The following RASA1 variants were observed in gnomAD, a reference collection of about 807,000 sequenced individuals.
RASA1 encodes RAS p21 protein activator 1.
Under a neutral mutation model 132.2 loss-of-function variants are expected in RASA1, and 25 were observed. The observed-to-expected ratio is 0.19, with a 90% CI of 0.14 to 0.26. The LOEUF (loss-of-function observed/expected upper bound fraction) is 0.26. Ranked by LOEUF, RASA1 falls within the 10% of genes least tolerant of loss-of-function variation. RASA1 has a pLI of 1.00. For missense variants in RASA1, 964 were observed against 1,299.2 expected, an observed-to-expected ratio of 0.74 and a Z score of 3.97; for synonymous variants, 477 against 449.9, an observed-to-expected ratio of 1.06 and a Z score of -0.76.
At chr5:87,302,368 C>G (rs1367044567) in intron 1 of RASA1, among the ~76,000 whole-genome samples, 2 of 151,520 alleles carry the variant, frequency 1.3e-5, no homozygotes, top group African/African-American at 4.8e-5. Context: ...GGTTATAGTT[C>G]AAGTCTTCAA....
rs748472598 is a variant in RASA1 at position 87,377,024 on chromosome 5, A to G, written c.2328A>G (p.Arg776=). ...TGTTGTTATGCACACTAAATGACAG[A>G]GAAATAAGCATGGAAGGTATGGTAT... ...ESLLLCTLND[R]EISMEDEATT... Residue 776 remains arginine (R), a synonymous_variant, in exon 17 of 25, where the codon AGA becomes AGG. Coordinates refer to ENST00000274376, the MANE Select transcript of RASA1 (RefSeq NM_002890.3). 3.7e-6 allele frequency: 6 copies of G among 1,613,850 alleles called. No individual in the cohort carries two copies. In the Admixed American group the frequency reaches 8.3e-5, roughly 22 times the overall value.
chr5:87,359,005 ACTTAC>A (rs1276021650), intron 9 of RASA1, among the ~76,000 whole-genome samples: 1 of 152,204 alleles, frequency 6.6e-6, no homozygotes, highest in African/African-American at 2.4e-5. Context: ...CCTGCGGAGC[ACTTAC>A]CTTCTAACAT....
intron 7 of RASA1, among the ~76,000 whole-genome samples, chr5:87,347,876 C>G (rs1040628840): frequency 3.3e-5 from 5 of 151,884 alleles, no homozygotes; most frequent in African/African-American, 1.2e-4. Flanking sequence ...CTTGTACCAC[C>G]AAGTACTTGA....
intron 1 of RASA1, among the ~76,000 whole-genome samples, chr5:87,280,270 C>G (rs1754257752): frequency 6.6e-6 from 1 of 152,148 alleles, no homozygotes; most frequent in South Asian, 2.1e-4. Flanking sequence ...CAAGCTGACA[C>G]CTAATATTAA....
intron 21 of RASA1, 65 bp downstream of exon 21, chr5:87,383,845 G>T (rs541146400): frequency 3.3e-5 from 42 of 1,256,156 alleles, no homozygotes; most frequent in Middle Eastern, 2.2e-4. Context: ...TACTATTTAA[G>T]AATACTCTTA....
chr5:87,285,073 TA>T (rs1754487956), intron 1 of RASA1, among the ~76,000 whole-genome samples: 4 of 149,954 alleles, frequency 2.7e-5, no homozygotes, highest in Non-Finnish European at 5.9e-5. Flanking sequence ...TTTATTTATT[TA>T]TTTATTTATT....
At chr5:87,378,333 T>G in intron 17 of RASA1, 63 bp from the exon 18 acceptor site, 1 of 1,564,478 alleles carries the variant, frequency 6.4e-7, no homozygotes, top group Non-Finnish European at 8.8e-7. Flanking sequence ...TCACTTAATT[T>G]CCAATTTGGT....
chr5:87,285,380 TTTAA>T (rs1024707839), intron 1 of RASA1, among the ~76,000 whole-genome samples: 2 of 151,892 alleles, frequency 1.3e-5, no homozygotes, highest in African/African-American at 2.4e-5. Flanking sequence ...AATGGTACCT[TTTAA>T]TTAATTTTTG....
At chr5:87,333,739 T>A (rs1757760039) in intron 4 of RASA1, among the ~76,000 whole-genome samples, 1 of 152,114 alleles carries the variant, frequency 6.6e-6, no homozygotes, top group Non-Finnish European at 1.5e-5. Context: ...ATGCAACATG[T>A]TAGTTTGTGG....
chr5:87,277,277 G>T (rs914490145), intron 1 of RASA1, among the ~76,000 whole-genome samples: 1 of 152,166 alleles, frequency 6.6e-6, no homozygotes, highest in Non-Finnish European at 1.5e-5. Context: ...TTCAGGGCTG[G>T]CAGTAACTGG....
chr5:87,269,002 C>T lies in RASA1; in HGVS notation c.539+12C>T, dbSNP rs751946504. The T allele has an allele frequency of 4.3e-6, 7 of 1,614,200 alleles. No individual in the cohort carries two copies. The highest frequency in any genetic ancestry group is 1.1e-5 in the South Asian group (1 of 91,078). The stretch of plus-strand genomic sequence containing the variant: ...CCTCCAACTAACCAGTAAGTTAAGA[C>T]TGCTGTTCAGGAATTTGGGAAGCTG... On this transcript the variant is annotated intron_variant, in intron 1 of 24. Coordinates refer to ENST00000274376, the MANE Select transcript of RASA1 (RefSeq NM_002890.3).
chr5:87,330,984 G>C, intron 1 of RASA1: 1 of 1,428,940 alleles, frequency 7.0e-7, no homozygotes. Flanking sequence ...TAAGATCGAG[G>C]TAGTAAATTA....
intron 1 of RASA1, among the ~76,000 whole-genome samples, chr5:87,328,753 A>T (rs1757408463): frequency 6.6e-6 from 1 of 152,174 alleles, no homozygotes; most frequent in Non-Finnish European, 1.5e-5. Flanking sequence ...TTATATTTAT[A>T]TAAAAGATTG....
At chr5:87,340,275 A>G (rs1179790536) in intron 5 of RASA1, among the ~76,000 whole-genome samples, 1 of 152,038 alleles carries the variant, frequency 6.6e-6, no homozygotes, top group Admixed American at 6.6e-5. Context: ...CTTAGGCAAA[A>G]TTGTTTCCTT....
At chr5:87,269,128 G>T in intron 1 of RASA1, 138 bp downstream of exon 1, 1 of 1,613,516 alleles carries the variant, frequency 6.2e-7, no homozygotes, top group Non-Finnish European at 8.5e-7. Flanking sequence ...TTCTTGGGTA[G>T]GAATTTAATC....
At chr5:87,281,272 C>T (rs563208075) in intron 1 of RASA1, among the ~76,000 whole-genome samples, 96 of 144,610 alleles carry the variant, frequency 6.6e-4, no homozygotes, top group African/African-American at 1.4e-3. Context: ...GACGGAGTTT[C>T]GCTCTTGTTG....
At chr5:87,276,860 A>G (rs1183742457) in intron 1 of RASA1, among the ~76,000 whole-genome samples, 2 of 152,214 alleles carry the variant, frequency 1.3e-5, no homozygotes, top group African/African-American at 2.4e-5. Flanking sequence ...GCTTAGATAC[A>G]GAAGTAGCCT....
Position 87,296,397 on chromosome 5 carries a change from T to A in RASA1, c.539+27407T>A, listed in dbSNP as rs1237652839. Among the ~76,000 whole-genome samples the A allele has an allele frequency of 3.3e-5, 5 of 152,274 alleles. No individual in the cohort carries two copies. The East Asian group carries it at 9.6e-4, about 29-fold the overall frequency. On this transcript the variant is annotated intron_variant, in intron 1 of 24. Transcript: ENST00000274376. The stretch of plus-strand genomic sequence containing the variant: ...AAAATAAGAAAAATAAAAGTTTTTA[T>A]TTTGCCTTCACTTGTTCTCTCATGT...
chr5:87,291,097 A>G (rs1191076678), intron 1 of RASA1, among the ~76,000 whole-genome samples: 2 of 152,194 alleles, frequency 1.3e-5, no homozygotes, highest in South Asian at 2.1e-4. Context: ...CTGTTGCTCT[A>G]CATTCTTGTC....
Sources: allele counts gnomAD v4.1 joint callset (sites outside exome capture counted in the v4.1 genomes callset), GRCh38; gene constraint gnomAD v4.1.1; transcripts MANE v1.5; gene names NCBI Gene and HGNC (gene_info 2026-07-23, HGNC 2026-07-21).